Variants in RPS6KC1 observed in about 807,000 individuals in gnomAD.
The protein encoded by RPS6KC1 is ribosomal protein S6 kinase C1.
Under a neutral mutation model 103.8 loss-of-function variants are expected in RPS6KC1, and 54 were observed. The ratio of observed to expected loss-of-function variants is 0.52; its 90% CI spans 0.42 to 0.65. The LOEUF is 0.65. Ranked by LOEUF, RPS6KC1 falls within the 30% of genes least tolerant of loss-of-function variation. RPS6KC1 has a pLI of 0.00. For missense variants in RPS6KC1, 1,151 were observed against 1,253.8 expected (o/e 0.92, Z 1.24); for synonymous variants, 439 against 438.7 (o/e 1.00, Z -0.01).
chr1:213,333,469 A>T, the RPS6KC1 span, among the ~76,000 whole-genome samples: 1 of 152,128 alleles, frequency 6.6e-6, no homozygotes, highest in African/African-American at 2.4e-5. Context: ...TGATCTACAG[A>T]ACGATCAACC....
the RPS6KC1 span, among the ~76,000 whole-genome samples, chr1:213,381,093 CAG>C: frequency 7.9e-5 from 12 of 152,134 alleles, no homozygotes; most frequent in African/African-American, 2.7e-4. Context: ...CACAACTGGG[CAG>C]AGAGATACCT....
the RPS6KC1 span, among the ~76,000 whole-genome samples, chr1:213,378,327 G>T: frequency 1.3e-5 from 2 of 152,212 alleles, no homozygotes; most frequent in African/African-American, 4.8e-5. Context: ...ATGATAATGG[G>T]TCCTCCTTAT....
chr1:213,550,460 G>A, the RPS6KC1 span, among the ~76,000 whole-genome samples: 10 of 152,030 alleles, frequency 6.6e-5, no homozygotes, highest in South Asian at 1.2e-3. Context: ...TTAATACATC[G>A]ATTCGCTTCC....
the RPS6KC1 span, chr1:213,821,109 C>T: frequency 2.6e-5 from 4 of 152,278 alleles, no homozygotes; most frequent in Admixed American, 6.5e-5. Context: ...GTCCTGCTCT[C>T]GCTTTCTCAA....
At chr1:213,826,155 G>T in the RPS6KC1 span, among the ~76,000 whole-genome samples, 1 of 152,130 alleles carries the variant, frequency 6.6e-6, no homozygotes, top group Non-Finnish European at 1.5e-5. Context: ...AGAAAAAAAT[G>T]ACAAATCTAT....
chr1:213,567,132 C>G, the RPS6KC1 span, among the ~76,000 whole-genome samples: 36,964 of 152,098 alleles, frequency 0.24, 4,714 homozygotes, highest in East Asian at 0.4. Flanking sequence ...TATGCATCTA[C>G]AGTAAAGTTG....
At chr1:213,375,002 TACATACACACACATACATAC>T in the RPS6KC1 span, among the ~76,000 whole-genome samples, 1 of 151,624 alleles carries the variant, frequency 6.6e-6, no homozygotes, top group Non-Finnish European at 1.5e-5. Flanking sequence ...TATACACACA[TACATACACACACATACATAC>T]ACATACACAC....
At chr1:213,576,366 T>C in the RPS6KC1 span, among the ~76,000 whole-genome samples, 1 of 136,232 alleles carries the variant, frequency 7.3e-6, no homozygotes, top group Admixed American at 7.6e-5. Context: ...TTTCAGATAC[T>C]GTGGGTTTTT....
At chr1:213,478,960 ATATTTTG>A in the RPS6KC1 span, among the ~76,000 whole-genome samples, 1 of 151,938 alleles carries the variant, frequency 6.6e-6, no homozygotes, top group Non-Finnish European at 1.5e-5. Flanking sequence ...TATATATTTT[ATATTTTG>A]TAATCACTAA....
the RPS6KC1 span, among the ~76,000 whole-genome samples, chr1:213,621,589 ATG>A: frequency 9.1e-6 from 1 of 110,202 alleles, no homozygotes; most frequent in Admixed American, 1.0e-4. Context: ...AGGAACTAAC[ATG>A]TGTGATGAAG....
the RPS6KC1 span, among the ~76,000 whole-genome samples, chr1:213,746,896 T>C: frequency 6.6e-6 from 1 of 152,144 alleles, no homozygotes; most frequent in Non-Finnish European, 1.5e-5. Context: ...AGATCTTGAG[T>C]TGAGTCTTAG....
chr1:213,426,544 A>G, the RPS6KC1 span, among the ~76,000 whole-genome samples: 6 of 152,190 alleles, frequency 3.9e-5, no homozygotes, highest in African/African-American at 1.4e-4. Flanking sequence ...TATGACTAAA[A>G]TTTTTGAGAC....
the RPS6KC1 span, among the ~76,000 whole-genome samples, chr1:213,628,943 A>T: frequency 5.3e-5 from 8 of 152,160 alleles, no homozygotes; most frequent in Admixed American, 2.0e-4. Flanking sequence ...CTGTGGTCTA[A>T]GAGACAGTTT....
At chr1:213,129,460 C>T (rs748429567) in intron 5 of RPS6KC1, 67 bp from the exon 6 acceptor site, 2 of 1,444,494 alleles carry the variant, frequency 1.4e-6, no homozygotes, top group Admixed American at 4.5e-5. Flanking sequence ...GAATAATTAG[C>T]ATGATTTGTA....
In RPS6KC1 at chr1:213,243,823, T is replaced by G. The variant is rs556376435; in HGVS notation, c.2911+1165T>G. On this transcript the variant is annotated intron_variant, in intron 12 of 14. Coordinates refer to ENST00000366960, the MANE Select transcript of RPS6KC1 (RefSeq NM_012424.6). ...AATATAGTATTTAATACTTAACAGC[T>G]AACTAGTGTATTGATGCTAACCTTG... is the stretch of plus-strand genomic sequence containing the variant. Among the ~76,000 whole-genome samples, 24 of 152,326 alleles carry G rather than the reference T, an allele frequency of 1.6e-4. No individual in the cohort carries two copies. The South Asian group carries it at 4.4e-3, about 28-fold the overall frequency.
At chr1:213,174,647 G>A (rs2091735040) in intron 7 of RPS6KC1, among the ~76,000 whole-genome samples, 1 of 144,304 alleles carries the variant, frequency 6.9e-6, no homozygotes, top group Non-Finnish European at 1.5e-5. Flanking sequence ...TCCAGCCTGG[G>A]CGACAAGAGC....
chr1:213,675,990 C>G, the RPS6KC1 span, among the ~76,000 whole-genome samples: 7 of 152,304 alleles, frequency 4.6e-5, no homozygotes, highest in African/African-American at 9.6e-5. Flanking sequence ...CTATTACATC[C>G]TTTGTGATCT....
At chr1:213,570,488 G>A in the RPS6KC1 span, among the ~76,000 whole-genome samples, 2 of 152,306 alleles carry the variant, frequency 1.3e-5, no homozygotes, top group Non-Finnish European at 2.9e-5. Flanking sequence ...CCTTTTGCAG[G>A]AGAGTTGTAG....
the RPS6KC1 span, among the ~76,000 whole-genome samples, chr1:213,369,227 G>C: frequency 6.6e-6 from 1 of 152,194 alleles, no homozygotes; most frequent in Admixed American, 6.5e-5. Flanking sequence ...TAGGGCATGA[G>C]TGAGATTTCT....
Sources: gnomAD v4.1 joint callset for allele counts (sites outside exome capture counted in the v4.1 genomes callset) on GRCh38, gnomAD v4.1.1 for gene constraint, MANE v1.5 for transcripts, NCBI Gene and HGNC (gene_info 2026-07-23, HGNC 2026-07-21) for gene names.